The following CELSR1 variants were observed in gnomAD, a reference collection of about 807,000 sequenced individuals.
CELSR1 encodes the protein cadherin EGF LAG seven-pass G-type receptor 1.
Under a neutral mutation model 249.1 loss-of-function variants are expected in CELSR1, and 110 were observed. The observed-to-expected ratio is 0.44, with a 90% CI of 0.38 to 0.52. The LOEUF (loss-of-function observed/expected upper bound fraction) is 0.52. CELSR1 is among the 20% of genes least tolerant of loss of function. The pLI is 0.00. For missense variants in CELSR1, 4,109 were observed against 4,296.4 expected, an observed-to-expected ratio of 0.96 and a Z score of 1.22; for synonymous variants, 2,113 against 1,900.0, an observed-to-expected ratio of 1.11 and a Z score of -2.92.
rs772316150 is a variant in CELSR1, at chr22:46,389,273, G to A, written c.6555+17C>T. The A allele has an allele frequency of 6.2e-7, 1 of 1,600,980 alleles. No homozygotes were observed. The highest frequency in any genetic ancestry group is 8.5e-7 in the Non-Finnish European group (1 of 1,179,438). ...TCCCCGAGTGTCCCCGAGCCAGGGT[G>A]GCGGCCACCCGCCTACCTCGTGAAA... On this transcript the variant is annotated intron_variant, in intron 18 of 34. Coordinates refer to ENST00000674500, the MANE Select transcript of CELSR1 (RefSeq NM_001378328.1).
intron 20 of CELSR1, among the ~76,000 whole-genome samples, chr22:46,383,664 C>A (rs1358887182): frequency 6.6e-6 from 1 of 151,588 alleles, no homozygotes; most frequent in Non-Finnish European, 1.5e-5. Flanking sequence ...GTAGGTGGGA[C>A]TACAGGCATG....
rs200725732 is a variant in CELSR1, at chr22:46,384,634, C to A, written c.6792G>T (p.Pro2264=). The A allele has an allele frequency of 1.2e-5, 19 of 1,613,662 alleles. 1 individual carries two copies. The South Asian group carries it at 2.1e-4, about 18-fold the overall frequency. The change falls in exon 20 of 35, where the codon CCG becomes CCT. Residue 2264 remains proline, a synonymous_variant. Coordinates refer to ENST00000674500, the MANE Select transcript of CELSR1 (RefSeq NM_001378328.1). The part of the protein sequence containing the change: ...DKFNFTGARV[P]RFDTIHEEFP... ...ACTCTTCATGGATGGTGTCGAATCGCGGGACCCTGGCTCCCGTAAAGTTGA... is the reference window on the plus strand; with the variant it reads ...ACTCTTCATGGATGGTGTCGAATCGAGGGACCCTGGCTCCCGTAAAGTTGA...
intron 2 of CELSR1, among the ~76,000 whole-genome samples, chr22:46,460,211 A>ACACACACACACACCCCCCCC (rs773925316): frequency 6.7e-6 from 1 of 148,870 alleles, no homozygotes; most frequent in African/African-American, 2.5e-5. Flanking sequence ...ACACACACAC[A>ACACACACACACACCCCCCCC]CACACCCATT....
At chr22:46,369,877 A>T (rs2078831833) in intron 25 of CELSR1, 73 bp from the exon 26 acceptor site, 1 of 1,330,366 alleles carries the variant, frequency 7.5e-7, no homozygotes, top group Non-Finnish European at 1.1e-6. Context: ...AGGACCAGCC[A>T]GGGTGGGGTG....
rs1427083806 is a variant in CELSR1 at position 46,446,131 on chromosome 22, C to T, written c.4184-6720G>A. Among the ~76,000 whole-genome samples the T allele has an allele frequency of 6.6e-6, 1 of 152,214 alleles. No individual in the cohort carries two copies. Among genetic ancestry groups the T allele is most frequent in the African/African-American group, 2.4e-5 (1 of 41,454 alleles). ...CCCAGCCCCCAGCCACACACCCAGC[C>T]CCCTCCACACCATACTCACGAGCCT... On this transcript the variant is annotated intron_variant, in intron 2 of 34. Coordinates refer to ENST00000674500, the MANE Select transcript of CELSR1 (RefSeq NM_001378328.1). This position sits in a 1 kb window ranked among gnomAD's most constrained non-coding sequence, Gnocchi z 5.5.
In CELSR1 at chr22:46,507,956, G is replaced by A. The variant is rs114318430; in HGVS notation, c.3544+25671C>T. Among the ~76,000 whole-genome samples, 645 of 152,300 alleles carry A rather than the reference G, an allele frequency of 4.2e-3. 5 individuals carry two copies. Among genetic ancestry groups the A allele is most frequent in the African/African-American group, 0.015 (603 of 41,560 alleles). ...CTGTGCCGTGGCCACCCATCTGGCT[G>A]TTCCCAGGCCGTAGGCTCCTAGGTG... On this transcript the variant is annotated intron_variant, in intron 1 of 34. Coordinates refer to ENST00000674500, the MANE Select transcript of CELSR1 (RefSeq NM_001378328.1).
In CELSR1 at chr22:46,410,305, C is replaced by T; in HGVS notation, c.4933+93G>A. 1.3e-6 allele frequency: 2 copies of T among 1,496,446 alleles called. No individual in the cohort carries two copies. Among genetic ancestry groups the T allele is most frequent in the Non-Finnish European group, 1.8e-6 (2 of 1,089,120 alleles). The allele number at this position is 1,496,446 out of a possible 1,614,324, so 92.7% of individuals were successfully genotyped here. The stretch of plus-strand genomic sequence containing the variant: ...TACATTTCTAAGAAAAACACGGCTC[C>T]CCAGGGATCTGCAAGCAGTGACCTC... On this transcript the variant is annotated intron_variant, in intron 7 of 34. Coordinates refer to ENST00000674500, the MANE Select transcript of CELSR1 (RefSeq NM_001378328.1). The surrounding 1 kb of genome is among the most constrained non-coding windows in gnomAD (Gnocchi z 6.8).
intron 5 of CELSR1, among the ~76,000 whole-genome samples, chr22:46,415,439 C>T (rs1040347306): frequency 6.6e-6 from 1 of 152,080 alleles, no homozygotes; most frequent in African/African-American, 2.4e-5. Context: ...CATGAGCCAC[C>T]GTACCATCCA....
At chr22:46,379,890 T>C (rs144396782) in intron 22 of CELSR1, among the ~76,000 whole-genome samples, 28 of 152,258 alleles carry the variant, frequency 1.8e-4, no homozygotes, top group African/African-American at 6.0e-4. Context: ...CCTCCCTGAC[T>C]GTGCTCCCAT....
At position 46,380,390 on chromosome 22, in the gene CELSR1, A is replaced by G. The variant is rs1434801529; in HGVS notation, c.7256+398T>C. 1.3e-5 allele frequency among the ~76,000 whole-genome samples: 2 copies of G among 152,156 alleles called. No homozygotes were observed. Among genetic ancestry groups the G allele is most frequent in the South Asian group, 2.1e-4 (1 of 4,830 alleles). ...CCGTCAGCAGATGGGCTCTTAGGCCAGTCTCTGGGTTCTGTCTCCCGTGTG... is the reference window on the plus strand; with the variant it reads ...CCGTCAGCAGATGGGCTCTTAGGCCGGTCTCTGGGTTCTGTCTCCCGTGTG... On this transcript the variant is annotated intron_variant, in intron 22 of 34. Coordinates refer to ENST00000674500, the MANE Select transcript of CELSR1 (RefSeq NM_001378328.1). This position sits in a 1 kb window ranked among gnomAD's most constrained non-coding sequence, Gnocchi z 5.1.
At chr22:46,525,539 G>C (rs897981330) in intron 1 of CELSR1, among the ~76,000 whole-genome samples, 1 of 152,064 alleles carries the variant, frequency 6.6e-6, no homozygotes, top group South Asian at 2.1e-4. Context: ...ATATGAACCC[G>C]TGTGTTCAGG....
intron 1 of CELSR1, among the ~76,000 whole-genome samples, chr22:46,467,208 C>T (rs923466667): frequency 1.3e-5 from 2 of 152,164 alleles, no homozygotes; most frequent in African/African-American, 4.8e-5. Flanking sequence ...TCATAAATAA[C>T]TTTAATTTGC....
At chr22:46,400,331 G>C (rs1481541170) in intron 9 of CELSR1, among the ~76,000 whole-genome samples, 1 of 138,824 alleles carries the variant, frequency 7.2e-6, no homozygotes, top group African/African-American at 2.6e-5. Context: ...TTGGTCTCGA[G>C]AAAAAAAAAA....
rs1480402878 is a variant in CELSR1 at position 46,362,777 on chromosome 22, G to A, written c.*446C>T. 4.1e-5 allele frequency: 9 copies of A among 220,698 alleles called. No individual in the cohort carries two copies. The highest frequency in any genetic ancestry group is 6.3e-5 in the Non-Finnish European group (7 of 111,720). The allele number at this position is 220,698 out of a possible 1,614,324, so 13.7% of individuals were successfully genotyped here. A position where few individuals can be genotyped will look rare whatever the true frequency, so the allele number is the denominator to read the frequency against. On this transcript the variant is annotated 3_prime_UTR_variant, in exon 35 of 35. Coordinates refer to ENST00000674500, the MANE Select transcript of CELSR1 (RefSeq NM_001378328.1). ...GGGGTGCCTTTGCAAAGGACTGCCC[G>A]GGCTGCCAGCCACGGGTCCGCACTG...
rs1370113889 is a variant in CELSR1, at chr22:46,526,581, GCT to G, written c.3544+7044_3544+7045del. Among the ~76,000 whole-genome samples, 1 of 152,132 alleles carries G rather than the reference GCT, an allele frequency of 6.6e-6. No individual in the cohort carries two copies. The stretch of plus-strand genomic sequence containing the variant: ...TAACCCATCACATCTCTGTCCCCAG[GCT>G]CTCCAACCGCCAGACGGCATCCATC... On this transcript the variant is annotated intron_variant, in intron 1 of 34. Coordinates refer to ENST00000674500, the MANE Select transcript of CELSR1 (RefSeq NM_001378328.1). The surrounding 1 kb of genome is among the most constrained non-coding windows in gnomAD (Gnocchi z 4.7).
rs1421834032 is a variant in CELSR1, at chr22:46,417,448, G to A, written c.4612-5689C>T. 1.3e-5 allele frequency among the ~76,000 whole-genome samples: 2 copies of A among 152,146 alleles called. No individual in the cohort carries two copies. Among genetic ancestry groups the A allele is most frequent in the Admixed American group, 6.5e-5 (1 of 15,272 alleles). ...TAGGCAGGTAACAGGACCCTGTTCCGCCAGGTAGCCACCCTCTACACAGGG... is the reference window on the plus strand; with the variant it reads ...TAGGCAGGTAACAGGACCCTGTTCCACCAGGTAGCCACCCTCTACACAGGG... On this transcript the variant is annotated intron_variant, in intron 5 of 34. Coordinates refer to ENST00000674500, the MANE Select transcript of CELSR1 (RefSeq NM_001378328.1). This position sits in a 1 kb window ranked among gnomAD's most constrained non-coding sequence, Gnocchi z 4.1.
At chr22:46,370,470 C>T (rs1226367592) in intron 25 of CELSR1, among the ~76,000 whole-genome samples, 2 of 152,092 alleles carry the variant, frequency 1.3e-5, no homozygotes, top group African/African-American at 4.8e-5. Context: ...GCTATACGAG[C>T]TGCTTGTTTA....
intron 31 of CELSR1, 21 bp from the exon 32 acceptor site, chr22:46,365,401 G>A (rs759786071): frequency 9.9e-6 from 16 of 1,610,974 alleles, no homozygotes; most frequent in East Asian, 2.2e-5. Context: ...GCGGGGGACA[G>A]GGAGGCTCAG....
chr22:46,467,884 G>A (rs146253877), intron 1 of CELSR1, among the ~76,000 whole-genome samples: 8 of 152,214 alleles, frequency 5.3e-5, no homozygotes, highest in African/African-American at 1.9e-4. Flanking sequence ...GATGTAAAAG[G>A]ATGGGGTGGC....
Sources: gnomAD v4.1 joint callset for allele counts (sites outside exome capture counted in the v4.1 genomes callset) on GRCh38, gnomAD v4.1.1 for gene constraint, Gnocchi (gnomAD v3.1) non-coding constraint, MANE v1.5 for transcripts, NCBI Gene and HGNC (gene_info 2026-07-23, HGNC 2026-07-21) for gene names.